The following CSMD1 variants were observed in gnomAD, a reference collection of about 807,000 sequenced individuals.
CSMD1 encodes the protein CUB and Sushi multiple domains 1.
In CSMD1, 213 loss-of-function variants were observed where a neutral mutation model predicts 417.5. That is an observed-to-expected ratio of 0.51 (90% CI 0.46 to 0.57). The LOEUF is 0.57. Ranked by LOEUF, CSMD1 falls within the 20% of genes least tolerant of loss-of-function variation. The pLI, the probability that CSMD1 is intolerant of heterozygous loss-of-function variation, is 0.00. For missense variants in CSMD1, 6,923 were observed against 4,529.7 expected, an observed-to-expected ratio of 1.53 and a Z score of -15.17; for synonymous variants, 2,862 against 1,736.8, an observed-to-expected ratio of 1.65 and a Z score of -16.11.
At chr8:4,216,241 T>TC (rs1220974560) in intron 3 of CSMD1, among the ~76,000 whole-genome samples, 2 of 152,154 alleles carry the variant, frequency 1.3e-5, no homozygotes, top group Non-Finnish European at 2.9e-5. Context: ...GCCCTTTTTT[T>TC]CTGCCTGGAA....
intron 1 of CSMD1, among the ~76,000 whole-genome samples, chr8:4,955,770 TGCATGTTAGG>T (rs1809061428): frequency 2.2e-5 from 1 of 45,968 alleles, no homozygotes; most frequent in Non-Finnish European, 5.2e-5. Flanking sequence ...TCTTCCAAAC[TGCATGTTAGG>T]TGGTGGCGTA....
intron 28 of CSMD1, among the ~76,000 whole-genome samples, chr8:3,222,939 G>T (rs1336283298): frequency 2.0e-5 from 3 of 152,136 alleles, no homozygotes; most frequent in Non-Finnish European, 4.4e-5. Flanking sequence ...TGCAGAAAAG[G>T]AAAGTCGTTC....
intron 3 of CSMD1, among the ~76,000 whole-genome samples, chr8:4,188,429 A>G (rs546198724): frequency 2.0e-5 from 3 of 152,310 alleles, no homozygotes; most frequent in South Asian, 2.1e-4. Flanking sequence ...TTCGGCAGAT[A>G]CAAGTCCTGA....
chr8:4,787,267 C>T (rs11136774), intron 1 of CSMD1: 151,298 of 593,226 alleles, frequency 0.26, 20,208 homozygotes, highest in Non-Finnish European at 0.28. Flanking sequence ...TCTCTGATCA[C>T]CCCTCTTTTC....
chr8:4,166,966 A>C (rs1030255233), intron 3 of CSMD1, among the ~76,000 whole-genome samples: 5 of 152,206 alleles, frequency 3.3e-5, no homozygotes, highest in Admixed American at 1.3e-4. Flanking sequence ...GCACATGCTG[A>C]AGGCACTGTG....
At chr8:3,352,321 G>T (rs527663654) in intron 21 of CSMD1, among the ~76,000 whole-genome samples, 40 of 152,270 alleles carry the variant, frequency 2.6e-4, no homozygotes, top group Admixed American at 2.0e-3. Flanking sequence ...TAAAACAGTT[G>T]AATTTTAAAG....
At chr8:4,093,190 GA>G (rs1227760103) in intron 3 of CSMD1, among the ~76,000 whole-genome samples, 4 of 152,096 alleles carry the variant, frequency 2.6e-5, no homozygotes, top group Non-Finnish European at 5.9e-5. Context: ...CAGAAAATTT[GA>G]AGTTTCACAT....
chr8:3,604,806 C>G (rs963933881), intron 8 of CSMD1, among the ~76,000 whole-genome samples: 1 of 152,044 alleles, frequency 6.6e-6, no homozygotes, highest in African/African-American at 2.4e-5. Flanking sequence ...AGGGCATCAA[C>G]GTGATAGCAT....
chr8:4,412,693 C>G (rs1796714149), intron 3 of CSMD1, among the ~76,000 whole-genome samples: 2 of 152,122 alleles, frequency 1.3e-5, no homozygotes, highest in African/African-American at 4.8e-5. Context: ...ATATTAAGTT[C>G]ACGTAACCAA....
chr8:3,748,488 T>C (rs1057440345), intron 6 of CSMD1, among the ~76,000 whole-genome samples: 6 of 152,274 alleles, frequency 3.9e-5, no homozygotes, highest in African/African-American at 1.4e-4. Flanking sequence ...TAGGAGCACT[T>C]GATTTCCTCC....
chr8:3,152,729 G>C (rs1819275981), intron 39 of CSMD1, among the ~76,000 whole-genome samples: 1 of 152,192 alleles, frequency 6.6e-6, no homozygotes, highest in Non-Finnish European at 1.5e-5. Flanking sequence ...ACCATCAACT[G>C]TGTTGCTATT....
At chr8:3,852,012 G>A (rs375869979) in intron 5 of CSMD1, among the ~76,000 whole-genome samples, 31 of 152,124 alleles carry the variant, frequency 2.0e-4, no homozygotes, top group African/African-American at 6.8e-4. Flanking sequence ...TGCAATCACC[G>A]GTGAGGACAA....
chr8:4,697,322 T>C (rs1170837284), intron 1 of CSMD1, among the ~76,000 whole-genome samples: 1 of 152,180 alleles, frequency 6.6e-6, no homozygotes, highest in African/African-American at 2.4e-5. Context: ...TCATTGCCCT[T>C]CTCACCAAAA....
chr8:4,709,966 C>G (rs1418522700), intron 1 of CSMD1, among the ~76,000 whole-genome samples: 1 of 151,944 alleles, frequency 6.6e-6, no homozygotes, highest in Non-Finnish European at 1.5e-5. Context: ...AATATCAGGT[C>G]GATTTAGAAA....
chr8:3,553,991 T>C (rs1298761177), intron 10 of CSMD1, among the ~76,000 whole-genome samples: 1 of 152,176 alleles, frequency 6.6e-6, no homozygotes, highest in Non-Finnish European at 1.5e-5. Flanking sequence ...TGAAATTTGC[T>C]TTCTCTAGGA....
At chr8:3,363,992 G>C (rs1327273300) in intron 20 of CSMD1, among the ~76,000 whole-genome samples, 1 of 152,116 alleles carries the variant, frequency 6.6e-6, no homozygotes, top group Non-Finnish European at 1.5e-5. Flanking sequence ...ACACAATCAG[G>C]AAACACTGCT....
chr8:4,703,526 A>C (rs1278228459), intron 1 of CSMD1, among the ~76,000 whole-genome samples: 1 of 152,226 alleles, frequency 6.6e-6, no homozygotes, highest in Admixed American at 6.5e-5. Flanking sequence ...AAATTGATAC[A>C]GTTTTTATCA....
chr8:3,458,634 C>T (rs983942520), intron 12 of CSMD1, among the ~76,000 whole-genome samples: 1 of 152,142 alleles, frequency 6.6e-6, no homozygotes, highest in Non-Finnish European at 1.5e-5. Context: ...CGCTAGTTGG[C>T]CTAGCTGGTA....
At chr8:3,684,624 G>C (rs1337979883) in intron 7 of CSMD1, among the ~76,000 whole-genome samples, 3 of 138,922 alleles carry the variant, frequency 2.2e-5, no homozygotes, top group Non-Finnish European at 4.6e-5. Flanking sequence ...TTTAGACGGA[G>C]TCTCGCTCTC....
Sources: gnomAD v4.1 joint callset for allele counts (sites outside exome capture counted in the v4.1 genomes callset) on GRCh38, gnomAD v4.1.1 for gene constraint, MANE v1.5 for transcripts, NCBI Gene and HGNC (gene_info 2026-07-23, HGNC 2026-07-21) for gene names.